The following CRPPA variants were observed in gnomAD, a reference collection of about 807,000 sequenced individuals.
CRPPA encodes D-ribitol-5-phosphate cytidylyltransferase.
Under a neutral mutation model 52.0 loss-of-function variants are expected in CRPPA, and 43 were observed. The observed-to-expected ratio is 0.83, with a 90% CI of 0.65 to 1.07. The LOEUF is 1.07. CRPPA is among the 50% of genes least tolerant of loss of function. The pLI is 0.00. For missense variants in CRPPA, 629 were observed against 551.7 expected (o/e 1.14, Z -1.40); for synonymous variants, 250 against 203.5 (o/e 1.23, Z -1.94).
At chr7:16,403,975 C>A (rs371126882) in intron 2 of CRPPA, among the ~76,000 whole-genome samples, 3 of 152,074 alleles carry the variant, frequency 2.0e-5, no homozygotes, top group African/African-American at 4.8e-5. Flanking sequence ...CATAAAAAAG[C>A]CAGTTTTCTG....
intron 7 of CRPPA, 87 bp from the exon 8 acceptor site, chr7:16,258,569 C>T (rs1583472676): frequency 1.4e-6 from 1 of 712,604 alleles, no homozygotes; most frequent in East Asian, 2.9e-5. Flanking sequence ...AGAGATTCTG[C>T]ATAACATTCA....
chr7:16,346,214 G>T (rs2128307022), intron 3 of CRPPA, among the ~76,000 whole-genome samples: 1 of 152,182 alleles, frequency 6.6e-6, no homozygotes, highest in African/African-American at 2.4e-5. Context: ...TTTGTGGACT[G>T]CATATTTAAA....
At chr7:16,390,505 G>C (rs1461563197) in intron 2 of CRPPA, among the ~76,000 whole-genome samples, 1 of 152,134 alleles carries the variant, frequency 6.6e-6, no homozygotes, top group Non-Finnish European at 1.5e-5. Flanking sequence ...GTCTTCTTGA[G>C]TGTTTGTTCA....
chr7:16,134,758 G>C (rs985926172), intron 9 of CRPPA, among the ~76,000 whole-genome samples: 49 of 152,084 alleles, frequency 3.2e-4, no homozygotes, highest in Non-Finnish European at 1.0e-4. Context: ...TCTAAGACTT[G>C]CTTTTGTAAA....
intron 3 of CRPPA, among the ~76,000 whole-genome samples, chr7:16,352,433 AT>A (rs1786180880): frequency 1.3e-5 from 2 of 152,132 alleles, no homozygotes; most frequent in Non-Finnish European, 2.9e-5. Context: ...TAAAAAAAAA[AT>A]AAATGTGCAA....
At chr7:16,149,225 A>C (rs944484530) in intron 9 of CRPPA, among the ~76,000 whole-genome samples, 1 of 152,192 alleles carries the variant, frequency 6.6e-6, no homozygotes, top group African/African-American at 2.4e-5. Context: ...TATGGATCCC[A>C]GGAATCTATA....
chr7:16,182,878 G>A (rs1038792428), intron 9 of CRPPA, among the ~76,000 whole-genome samples: 1 of 152,138 alleles, frequency 6.6e-6, no homozygotes, highest in Non-Finnish European at 1.5e-5. Flanking sequence ...ATGACGCTGA[G>A]TTGAAGTAAC....
intron 6 of CRPPA, among the ~76,000 whole-genome samples, chr7:16,259,544 A>G (rs577868207): frequency 6.6e-6 from 1 of 152,128 alleles, no homozygotes; most frequent in Admixed American, 6.6e-5. Context: ...TTCTACTACT[A>G]TAAGTAGTCC....
chr7:16,316,174 G>A (rs1344029164), intron 3 of CRPPA, among the ~76,000 whole-genome samples: 1 of 152,058 alleles, frequency 6.6e-6, no homozygotes, highest in Non-Finnish European at 1.5e-5. Flanking sequence ...TAGGACAGTG[G>A]TGAAGAAAAA....
At chr7:16,228,639 A>G (rs2128402214) in intron 8 of CRPPA, among the ~76,000 whole-genome samples, 1 of 152,028 alleles carries the variant, frequency 6.6e-6, no homozygotes, top group Non-Finnish European at 1.5e-5. Context: ...CTAGTTTCAT[A>G]TTTTGTAGTC....
At chr7:16,316,920 G>A (rs1785156620) in intron 3 of CRPPA, among the ~76,000 whole-genome samples, 1 of 152,032 alleles carries the variant, frequency 6.6e-6, no homozygotes, top group Non-Finnish European at 1.5e-5. Flanking sequence ...TAATACCTAT[G>A]TATTATTGCT....
chr7:16,217,795 A>T (rs1244316304), intron 8 of CRPPA, among the ~76,000 whole-genome samples: 1 of 151,020 alleles, frequency 6.6e-6, no homozygotes, highest in Non-Finnish European at 1.5e-5. Context: ...ACTATGTGAA[A>T]AGACCAAATC....
chr7:16,397,939 C>T (rs1002396105), intron 2 of CRPPA, among the ~76,000 whole-genome samples: 2 of 152,330 alleles, frequency 1.3e-5, no homozygotes, highest in Non-Finnish European at 2.9e-5. Flanking sequence ...GTGATTGACA[C>T]GTGATTGACA....
intron 9 of CRPPA, among the ~76,000 whole-genome samples, chr7:16,183,303 T>C (rs906793966): frequency 2.6e-5 from 4 of 152,208 alleles, no homozygotes; most frequent in Non-Finnish European, 5.9e-5. Context: ...GAAAAGACCA[T>C]GTTCCTGCAT....
Position 16,286,087 on chromosome 7 carries a change from TAA to T in CRPPA, c.836-7863_836-7862del, listed in dbSNP as rs1206296972. ...TATATATATATATATATATAATATT[TAA>T]AAAAAAAAATATATATATATATATA... is the stretch of plus-strand genomic sequence containing the variant. On this transcript the variant is annotated intron_variant, in intron 5 of 9. Transcript: ENST00000407010. Among the ~76,000 whole-genome samples, 32 of 15,494 alleles carry T rather than the reference TAA, an allele frequency of 2.1e-3. 1 individual carries two copies. The highest frequency in any genetic ancestry group is 8.9e-3 in the African/African-American group (26 of 2,932). The allele number at this position is 15,494 out of a possible 152,430, so 10.2% of individuals were successfully genotyped here. A position where few individuals can be genotyped will look rare whatever the true frequency, so the allele number is the denominator to read the frequency against.
rs141346298 is a variant in CRPPA at position 16,296,557 on chromosome 7, G to T, written c.835+4864C>A. Among the ~76,000 whole-genome samples the T allele has an allele frequency of 4.0e-3, 608 of 151,834 alleles. 2 individuals carry two copies. The highest frequency in any genetic ancestry group is 0.013 in the African/African-American group (554 of 41,396). ...TACAATTTGTTGACCAGGAATAACT[G>T]TTATTTGAGAGAAAAAACAGCTCAG... On this transcript the variant is annotated intron_variant, in intron 5 of 9. Transcript: ENST00000407010.
At chr7:16,253,640 G>C (rs1783524403) in intron 8 of CRPPA, among the ~76,000 whole-genome samples, 1 of 151,972 alleles carries the variant, frequency 6.6e-6, no homozygotes, top group African/African-American at 2.4e-5. Context: ...GCAGAGATGA[G>C]TTCAAGTTAG....
intron 6 of CRPPA, among the ~76,000 whole-genome samples, chr7:16,260,173 T>C (rs950117068): frequency 3.3e-5 from 5 of 152,074 alleles, no homozygotes; most frequent in African/African-American, 1.2e-4. Context: ...GTCCTTCATG[T>C]ATTCAAACAT....
intron 8 of CRPPA, among the ~76,000 whole-genome samples, chr7:16,256,842 G>A (rs959799942): frequency 6.6e-6 from 1 of 151,988 alleles, no homozygotes; most frequent in African/African-American, 2.4e-5. Flanking sequence ...TAGCATACCA[G>A]CATGCACATG....
Sources: gnomAD v4.1 joint callset for allele counts (sites outside exome capture counted in the v4.1 genomes callset) on GRCh38, gnomAD v4.1.1 for gene constraint, MANE v1.5 for transcripts, NCBI Gene and HGNC (gene_info 2026-07-23, HGNC 2026-07-21) for gene names.